Variants in ZNF282 observed in about 807,000 individuals in gnomAD.
ZNF282 encodes the protein HTLV-I U5 repressive element-binding protein 1.
Under a neutral mutation model 61.9 loss-of-function variants are expected in ZNF282, and 30 were observed. The observed-to-expected ratio is 0.48, with a 90% confidence interval of 0.36 to 0.66. ZNF282 has a LOEUF of 0.66. ZNF282 is among the 30% of genes least tolerant of loss of function. The pLI is 0.00. For synonymous variants in ZNF282, 396 were observed against 405.0 expected (o/e 0.98, Z 0.27); for missense variants, 788 against 941.4 (o/e 0.84, Z 2.13).
intron 5 of ZNF282, 107 bp from the exon 6 acceptor site, chr7:149,212,251 T>G: frequency 1.4e-6 from 1 of 726,678 alleles, no homozygotes; most frequent in Non-Finnish European, 2.3e-6. Context: ...TACCTGATGT[T>G]TAGGGGAAAG....
In ZNF282 at chr7:149,195,574, G is replaced by A; in HGVS notation, c.-16G>A. On this transcript the variant is annotated 5_prime_UTR_variant, in exon 1 of 8. Coordinates refer to ENST00000610704, the MANE Select transcript of ZNF282 (RefSeq NM_003575.4). ...CTTCTCCCTGGCCGACCCGAGCGGG[G>A]AACAGCACTCCCAGGATGCAGTTTG... The A allele has an allele frequency of 6.2e-7, 1 of 1,608,370 alleles. No homozygotes were observed. Among genetic ancestry groups the A allele is most frequent in the Non-Finnish European group, 8.5e-7 (1 of 1,177,818 alleles).
intron 4 of ZNF282, among the ~76,000 whole-genome samples, chr7:149,207,755 C>T (rs1429068145): frequency 6.6e-6 from 1 of 152,242 alleles, no homozygotes; most frequent in East Asian, 1.9e-4. Flanking sequence ...AGGGCTTAGG[C>T]TTACGCTACC....
intron 2 of ZNF282, among the ~76,000 whole-genome samples, chr7:149,199,698 A>G (rs1304758210): frequency 1.3e-5 from 2 of 152,176 alleles, no homozygotes. Context: ...ATTCAAATAA[A>G]AATAGACAGA....
chr7:149,210,882 C>T (rs370893555), intron 5 of ZNF282, among the ~76,000 whole-genome samples, 178 bp downstream of exon 5: 5 of 152,352 alleles, frequency 3.3e-5, no homozygotes, highest in African/African-American at 9.6e-5. Flanking sequence ...GAGACACAGA[C>T]GTGGCAAACA....
chr7:149,201,518 C>T (rs760953301), intron 2 of ZNF282, among the ~76,000 whole-genome samples: 1 of 152,212 alleles, frequency 6.6e-6, no homozygotes. Context: ...TTTGGAAGGC[C>T]GGGCAGGTGG....
intron 7 of ZNF282, among the ~76,000 whole-genome samples, chr7:149,220,974 C>T (rs1796239908): frequency 6.9e-6 from 1 of 145,968 alleles, no homozygotes; most frequent in Admixed American, 6.9e-5. Flanking sequence ...GGCTGGAGTA[C>T]AGTGGCGCGA....
chr7:149,207,577 G>A (rs908480248), intron 4 of ZNF282, 107 bp downstream of exon 4: 16 of 1,486,490 alleles, frequency 1.1e-5, no homozygotes, highest in African/African-American at 1.4e-5. Flanking sequence ...ACCATGGGGC[G>A]AGGGTCTTGG....
In ZNF282 at chr7:149,225,233, CACACGGGAAGGGGCGCGCGCTGCCCA is replaced by C. The variant is rs533257456; in HGVS notation, c.*589_*614del. On this transcript the variant is annotated 3_prime_UTR_variant, in exon 8 of 8. Coordinates refer to ENST00000610704, the MANE Select transcript of ZNF282 (RefSeq NM_003575.4). ...AGGCAGGTGAGACGGTTCACCCAAT[CACACGGGAAGGGGCGCGCGCTGCCCA>C]ACCGCGCTCTCCGCCTACCTCCGCT... The C allele has an allele frequency of 6.5e-6, 1 of 154,996 alleles. No individual in the cohort carries two copies. The highest frequency in any genetic ancestry group is 2.4e-5 in the African/African-American group (1 of 41,604). The allele number at this position is 154,996 out of a possible 1,614,324, so 9.6% of individuals were successfully genotyped here.
intron 1 of ZNF282, among the ~76,000 whole-genome samples, chr7:149,196,344 G>A (rs562002796): frequency 6.6e-6 from 1 of 152,306 alleles, no homozygotes; most frequent in East Asian, 1.9e-4. Flanking sequence ...TGTTGGAATG[G>A]CCTGGGCAGC....
At chr7:149,195,820 G>C in intron 1 of ZNF282, 66 bp downstream of exon 1, 1 of 1,285,734 alleles carries the variant, frequency 7.8e-7, no homozygotes, top group Non-Finnish European at 9.8e-7. Flanking sequence ...TGGGCCGCGG[G>C]ACCGGGCCGC....
Position 149,224,193 on chromosome 7 carries a change from C to T in ZNF282, c.1562C>T (p.Pro521Leu). Residue 521 changes from proline (P) to leucine (L), a missense_variant, in exon 8 of 8, where the codon CCC becomes CTC. By Grantham distance (98) the Pro-to-Leu change is moderately conservative. Coordinates refer to ENST00000610704, the MANE Select transcript of ZNF282 (RefSeq NM_003575.4). ...GCCCGCAGCAAGCCCTACTCGTGCC[C>T]CGAGTGCGGCAAGAGCTTCGGCGTG... is the stretch of plus-strand genomic sequence containing the variant. ...HGARSKPYSC[P>L]ECGKSFGVRK... The T allele has an allele frequency of 1.2e-6, 2 of 1,605,458 alleles. No individual in the cohort carries two copies. Among genetic ancestry groups the T allele is most frequent in the Non-Finnish European group, 8.5e-7 (1 of 1,179,500 alleles).
Position 149,225,403 on chromosome 7 carries a change from C to T in ZNF282, c.*756C>T, listed in dbSNP as rs1796353066. 1 of 152,276 alleles carries T rather than the reference C, an allele frequency of 6.6e-6. No homozygotes were observed. The highest frequency in any genetic ancestry group is 1.5e-5 in the Non-Finnish European group (1 of 68,062). 9.4% of individuals were successfully genotyped at this position (152,276 alleles called of 1,614,324 possible). A position where few individuals can be genotyped will look rare whatever the true frequency, so the allele number is the denominator to read the frequency against. ...CGACAGGAGGCCAGCTCCTGGGGTT[C>T]CTGGGAGCCGGGAACAGATTGGCTA... On this transcript the variant is annotated 3_prime_UTR_variant, in exon 8 of 8. Transcript: ENST00000610704.
chr7:149,209,769 G>A (rs1796053696), intron 4 of ZNF282, among the ~76,000 whole-genome samples: 2 of 152,104 alleles, frequency 1.3e-5, no homozygotes, highest in South Asian at 2.1e-4. Context: ...AGCAGGGGGC[G>A]CCATCAGAAG....
intron 7 of ZNF282, among the ~76,000 whole-genome samples, chr7:149,220,416 A>G (rs1302330576): frequency 6.6e-6 from 1 of 152,128 alleles, no homozygotes; most frequent in Admixed American, 6.5e-5. Flanking sequence ...CGTCTCCAAA[A>G]GAAAAAAAAA....
At chr7:149,206,639 G>T in intron 2 of ZNF282, 57 bp from the exon 3 acceptor site, 5 of 1,609,462 alleles carry the variant, frequency 3.1e-6, no homozygotes, top group Non-Finnish European at 4.2e-6. Context: ...GCAGGAGAAG[G>T]GGAGGTGGTG....
chr7:149,221,437 C>T (rs189942795), intron 7 of ZNF282, among the ~76,000 whole-genome samples: 130 of 152,304 alleles, frequency 8.5e-4, no homozygotes, highest in Admixed American at 1.6e-3. Context: ...GGTTGGAAGA[C>T]GGTCAGAGTA....
At chr7:149,217,603 G>A (rs769614308) in intron 7 of ZNF282, among the ~76,000 whole-genome samples, 59 of 147,706 alleles carry the variant, frequency 4.0e-4, no homozygotes, top group Middle Eastern at 3.2e-3. Context: ...CTTTTCTTTT[G>A]TGGGAAGAGG....
chr7:149,201,902 C>T (rs1795917000), intron 2 of ZNF282, among the ~76,000 whole-genome samples: 1 of 152,146 alleles, frequency 6.6e-6, no homozygotes, highest in Non-Finnish European at 1.5e-5. Flanking sequence ...GCTGTTCTGC[C>T]AGCACACCAC....
Position 149,223,934 on chromosome 7 carries a change from G to A in ZNF282, c.1303G>A (p.Val435Met). Reference sequence around the variant, plus strand: ...GCCCCAGAGCCTGCCCCCCATCGCGGTGGCCGAGAACCCGGGCGGCCCCCC... The same window carrying A: ...GCCCCAGAGCCTGCCCCCCATCGCGATGGCCGAGAACCCGGGCGGCCCCCC... ...PQPQSLPPIA[V>M]AENPGGPPSR... The change falls in exon 8 of 8, where the codon GTG (valine) becomes ATG (methionine). Residue 435 changes from valine to methionine, a missense_variant. By Grantham distance (21) the Val-to-Met change is conservative. Transcript: ENST00000610704. 3 of 1,326,816 alleles carry A rather than the reference G, an allele frequency of 2.3e-6. No homozygotes were observed. The highest frequency in any genetic ancestry group is 2.9e-6 in the Non-Finnish European group (3 of 1,041,290). The allele number at this position is 1,326,816 out of a possible 1,614,324, so 82.2% of individuals were successfully genotyped here. A position where few individuals can be genotyped will look rare whatever the true frequency, so the allele number is the denominator to read the frequency against.
Sources: allele counts gnomAD v4.1 joint callset (sites outside exome capture counted in the v4.1 genomes callset), GRCh38; gene constraint gnomAD v4.1.1; transcripts MANE v1.5; gene names NCBI Gene and HGNC (gene_info 2026-07-23, HGNC 2026-07-21).